The following PCAT7 variants were observed in gnomAD, a reference collection of about 807,000 sequenced individuals.
PCAT7 encodes prostate cancer associated transcript 7, also known as prostate cancer associated transcript 7 (non-protein coding).
At chr9:94,566,210 CCTGGCCATAAACTGGCCCCAAAA>C (rs1026790737) in intron 2 of PCAT7, among the ~76,000 whole-genome samples, 1 of 152,226 alleles carries the variant, frequency 6.6e-6, no homozygotes, top group Admixed American at 6.5e-5. Context: ...CCCCCCAAAA[CCTGGCCATAAACTGGCCCCAAAA>C]CTGGCCATAA....
intron 3 of PCAT7, among the ~76,000 whole-genome samples, chr9:94,573,308 G>C (rs1332217575): frequency 6.6e-6 from 1 of 152,114 alleles, no homozygotes; most frequent in Non-Finnish European, 1.5e-5. Flanking sequence ...GCCCAGGGTG[G>C]AGTGCAGTGG....
Position 94,559,042 on chromosome 9 carries a change from C to T in PCAT7, n.331C>T, listed in dbSNP as rs763789175. On this transcript the variant is annotated non_coding_transcript_exon_variant, in exon 2 of 9. Coordinates refer to ENST00000647389, the Ensembl canonical transcript of PCAT7. ...CGCTGGTGAATTGCCTCGGGCTTCA[C>T]GTCCAGTACAGGCTGGGTCCCCGTG... is the stretch of plus-strand genomic sequence containing the variant. 10 of 1,614,010 alleles carry T rather than the reference C, an allele frequency of 6.2e-6. No individual in the cohort carries two copies. The highest frequency in any genetic ancestry group is 4.0e-5 in the African/African-American group (3 of 74,924).
At chr9:94,574,578 G>A (rs527616624) in intron 3 of PCAT7, among the ~76,000 whole-genome samples, 2 of 151,934 alleles carry the variant, frequency 1.3e-5, no homozygotes, top group South Asian at 2.1e-4. Context: ...TATTTTCCTC[G>A]ATTGTCATTG....
intron 1 of PCAT7, chr9:94,558,635 T>C: frequency 5.7e-6 from 2 of 351,498 alleles, no homozygotes; most frequent in African/African-American, 2.1e-5. Context: ...CCCACAAGCA[T>C]GCAGCCGCCA....
chr9:94,570,171 CTCTG>C (rs1191802573), intron 2 of PCAT7: 2 of 152,246 alleles, frequency 1.3e-5, no homozygotes, highest in African/African-American at 4.8e-5. Flanking sequence ...AAAACAGAGG[CTCTG>C]TCTGTGCCTG....
intron 2 of PCAT7, among the ~76,000 whole-genome samples, chr9:94,572,045 A>AG (rs1827275406): frequency 1.3e-5 from 2 of 152,078 alleles, no homozygotes; most frequent in African/African-American, 4.8e-5. Flanking sequence ...AAACCACCTA[A>AG]GATTAACAAC....
chr9:94,567,722 CTG>C (rs1827212411), intron 2 of PCAT7: 2 of 283,220 alleles, frequency 7.1e-6, no homozygotes, highest in Non-Finnish European at 1.3e-5. Flanking sequence ...GTGAACCCAA[CTG>C]TGTGTATCTC....
At chr9:94,568,515 T>C (rs1167700121) in intron 2 of PCAT7, 1 of 152,206 alleles carries the variant, frequency 6.6e-6, no homozygotes, top group African/African-American at 2.4e-5. Context: ...CAGATCCATT[T>C]TGATGAATGT....
chr9:94,565,310 G>C (rs1827169244), intron 2 of PCAT7, among the ~76,000 whole-genome samples: 1 of 148,104 alleles, frequency 6.8e-6, no homozygotes. Flanking sequence ...GGGAGGCGGA[G>C]GTTGCAGTGA....
chr9:94,573,992 A>G (rs1322124953), intron 3 of PCAT7, among the ~76,000 whole-genome samples: 1 of 152,220 alleles, frequency 6.6e-6, no homozygotes, highest in Non-Finnish European at 1.5e-5. Context: ...GTAGATAGCC[A>G]TTCAAAGTAT....
chr9:94,560,264 G>A (rs1460009242), intron 2 of PCAT7, among the ~76,000 whole-genome samples: 1 of 152,244 alleles, frequency 6.6e-6, no homozygotes, highest in Admixed American at 6.5e-5. Context: ...TCAGAGGAAG[G>A]AAGGCCTTCT....
intron 1 of PCAT7, among the ~76,000 whole-genome samples, chr9:94,557,015 C>A (rs1008378800): frequency 6.6e-6 from 1 of 151,524 alleles, no homozygotes; most frequent in African/African-American, 2.4e-5. Flanking sequence ...TTTCTGATTT[C>A]TCTATTCTGT....
intron 2 of PCAT7, among the ~76,000 whole-genome samples, chr9:94,564,961 TAATA>T (rs1001673064): frequency 1.9e-4 from 29 of 152,276 alleles, no homozygotes; most frequent in African/African-American, 5.8e-4. Context: ...CACAAAGAAA[TAATA>T]AATGTCTGAG....
At chr9:94,560,584 C>A (rs943940982) in intron 2 of PCAT7, among the ~76,000 whole-genome samples, 3 of 152,026 alleles carry the variant, frequency 2.0e-5, no homozygotes, top group Non-Finnish European at 4.4e-5. Flanking sequence ...GTTGACCCAG[C>A]TATGTGCAGC....
At chr9:94,564,026 C>T (rs1046195122) in intron 2 of PCAT7, among the ~76,000 whole-genome samples, 1 of 152,116 alleles carries the variant, frequency 6.6e-6, no homozygotes, top group African/African-American at 2.4e-5. Flanking sequence ...TTAGACACCC[C>T]CCCACAATAA....
At chr9:94,571,447 A>G in intron 2 of PCAT7, 1 of 1,596,380 alleles carries the variant, frequency 6.3e-7, no homozygotes, top group Non-Finnish European at 8.5e-7. Context: ...AGATGATGCC[A>G]TATTCTGTAC....
At chr9:94,568,234 G>A (rs1255146931) in intron 2 of PCAT7, 3 of 152,216 alleles carry the variant, frequency 2.0e-5, no homozygotes, top group East Asian at 1.9e-4. Context: ...AAAAGAGGAA[G>A]CCGCTTTCAT....
At chr9:94,554,901 G>T (rs936817431), upstream of PCAT7, among the ~76,000 whole-genome samples, 5 of 152,148 alleles carry the variant, frequency 3.3e-5, no homozygotes, top group African/African-American at 4.8e-5. Flanking sequence ...ACGCGCCGCT[G>T]CCTCAGCATG....
At chr9:94,564,776 T>G (rs961415854) in intron 2 of PCAT7, among the ~76,000 whole-genome samples, 1 of 152,146 alleles carries the variant, frequency 6.6e-6, no homozygotes, top group Non-Finnish European at 1.5e-5. Context: ...AGTTTACTTA[T>G]ATAACAAACC....
Sources: allele counts gnomAD v4.1 joint callset (sites outside exome capture counted in the v4.1 genomes callset), GRCh38; gene constraint gnomAD v4.1.1; transcripts MANE v1.5; gene names NCBI Gene and HGNC (gene_info 2026-07-23, HGNC 2026-07-21).